The following SCP2 variants were observed in gnomAD, a reference collection of about 807,000 sequenced individuals.
SCP2 encodes the protein sterol carrier protein 2, also known as SCP-2/3-oxoacyl-CoA thiolase.
In SCP2, 48 loss-of-function variants were observed where a neutral mutation model predicts 71.4. That is an observed-to-expected ratio of 0.67 (90% confidence interval 0.53 to 0.86). The LOEUF is 0.86. Ranked by LOEUF, SCP2 falls within the 40% of genes least tolerant of loss-of-function variation. The pLI is 0.00. For synonymous variants in SCP2, 220 were observed against 218.1 expected (o/e 1.01, Z -0.08); for missense variants, 560 against 655.6 (o/e 0.85, Z 1.59).
At position 53,021,457 on chromosome 1, in the gene SCP2, C is replaced by A. The variant is rs140915027; in HGVS notation, c.1235+6414C>A. On this transcript the variant is annotated intron_variant, in intron 12 of 15. Transcript: ENST00000371514. ...TCAGCCTCTTGAGTAGCTGGGACTA[C>A]AGGCACGCACCACCAGGCCTAGCTG... Among the ~76,000 whole-genome samples the A allele has an allele frequency of 6.2e-3, 934 of 151,500 alleles. 14 individuals are homozygous for A. Among genetic ancestry groups the A allele is most frequent in the African/African-American group, 0.022 (897 of 41,238 alleles).
chr1:52,974,612 T>A lies in SCP2; in HGVS notation c.524-157T>A, dbSNP rs193265776. Among the ~76,000 whole-genome samples, 294 of 152,338 alleles carry A rather than the reference T, an allele frequency of 1.9e-3. 5 individuals are homozygous for A. Among genetic ancestry groups the A allele is most frequent in the Non-Finnish European group, 1.2e-3 (84 of 68,028 alleles). On this transcript the variant is annotated intron_variant, in intron 6 of 15. Coordinates refer to ENST00000371514, the MANE Select transcript of SCP2 (RefSeq NM_002979.5). The stretch of plus-strand genomic sequence containing the variant: ...GCCCACATTTAATTATAAATAAAAA[T>A]TTTTTGAGGGAACAGTGCTGAAGTC...
chr1:52,930,285 T>C (rs930874503), intron 1 of SCP2, among the ~76,000 whole-genome samples: 3 of 151,614 alleles, frequency 2.0e-5, no homozygotes, highest in Admixed American at 6.6e-5. Context: ...GCTTATTACA[T>C]GTGATGAACT....
chr1:52,997,494 G>C (rs1421619096), intron 11 of SCP2, among the ~76,000 whole-genome samples: 1 of 152,174 alleles, frequency 6.6e-6, no homozygotes, highest in Non-Finnish European at 1.5e-5. Flanking sequence ...TTTTGGCCAT[G>C]AAAGGAATGA....
At chr1:53,050,548 A>G in intron 15 of SCP2, 61 bp from the exon 16 acceptor site, 1 of 1,031,318 alleles carries the variant, frequency 9.7e-7, no homozygotes, top group Non-Finnish European at 1.5e-6. Context: ...GATAGTGTAG[A>G]AACATCAGCA....
chr1:52,951,772 C>T (rs539925065), intron 4 of SCP2, among the ~76,000 whole-genome samples: 4 of 151,368 alleles, frequency 2.6e-5, no homozygotes, highest in South Asian at 4.2e-4. Context: ...ACTGGAGTGC[C>T]GTTGTGCCAT....
chr1:52,997,075 A>T (rs1659985579), intron 11 of SCP2, among the ~76,000 whole-genome samples: 1 of 152,256 alleles, frequency 6.6e-6, no homozygotes, highest in Non-Finnish European at 1.5e-5. Flanking sequence ...GTGTACACTG[A>T]TGTTTACAGC....
intron 11 of SCP2, among the ~76,000 whole-genome samples, chr1:53,006,687 A>G (rs1254950031): frequency 6.6e-6 from 1 of 152,252 alleles, no homozygotes; most frequent in Non-Finnish European, 1.5e-5. Flanking sequence ...GCCAAATTGT[A>G]AAGATCATTG....
At chr1:52,958,209 C>T (rs1655999664) in intron 5 of SCP2, among the ~76,000 whole-genome samples, 1 of 151,052 alleles carries the variant, frequency 6.6e-6, no homozygotes, top group South Asian at 2.1e-4. Flanking sequence ...TAGTGTCAGT[C>T]CTTCTGTTGA....
intron 6 of SCP2, among the ~76,000 whole-genome samples, chr1:52,971,776 T>C (rs540113108): frequency 6.6e-6 from 1 of 152,330 alleles, no homozygotes; most frequent in South Asian, 2.1e-4. Context: ...GGCAGGTCCC[T>C]TTCTGGAATG....
intron 1 of SCP2, chr1:52,928,815 A>G (rs1251299175): frequency 6.5e-6 from 1 of 154,410 alleles, no homozygotes; most frequent in Non-Finnish European, 1.5e-5. Context: ...AAGTGGACCA[A>G]TACCTTATGA....
chr1:52,993,469 T>C (rs1425379715), intron 11 of SCP2: 2 of 1,613,972 alleles, frequency 1.2e-6, no homozygotes, highest in Non-Finnish European at 1.7e-6. Flanking sequence ...CACGATCCTT[T>C]ACTCTGAGAA....
intron 6 of SCP2, among the ~76,000 whole-genome samples, chr1:52,964,905 T>A (rs7552096): frequency 4.1e-4 from 62 of 151,860 alleles, no homozygotes; most frequent in Middle Eastern, 3.4e-3. Flanking sequence ...TCCCAGCTAC[T>A]CGGGAGGCTG....
intron 2 of SCP2, 44 bp from the exon 3 acceptor site, chr1:52,947,965 A>G: frequency 7.3e-7 from 1 of 1,365,618 alleles, no homozygotes; most frequent in Non-Finnish European, 1.0e-6. Context: ...CTCCTAAAAC[A>G]AATACTTAAA....
intron 12 of SCP2, among the ~76,000 whole-genome samples, chr1:53,020,012 G>A (rs995863065): frequency 8.5e-5 from 13 of 152,118 alleles, no homozygotes; most frequent in Non-Finnish European, 1.3e-4. Flanking sequence ...TAAGCCTCCT[G>A]AGTAGCTGGG....
chr1:53,030,773 A>G (rs1437240393), intron 13 of SCP2, among the ~76,000 whole-genome samples: 1 of 151,598 alleles, frequency 6.6e-6, no homozygotes, highest in African/African-American at 2.4e-5. Flanking sequence ...AGTCCCAGAT[A>G]GCTGTAGTCC....
intron 14 of SCP2, among the ~76,000 whole-genome samples, chr1:53,043,583 G>T (rs1663578095): frequency 6.6e-6 from 1 of 152,222 alleles, no homozygotes; most frequent in Admixed American, 6.5e-5. Context: ...TAGCTATGTG[G>T]TCTTGGGCAA....
intron 12 of SCP2, among the ~76,000 whole-genome samples, chr1:53,022,734 C>T (rs1277296662): frequency 1.3e-5 from 2 of 152,078 alleles, no homozygotes; most frequent in East Asian, 3.8e-4. Context: ...GAGAGAGAGC[C>T]TTGAGTGGTA....
chr1:53,001,778 C>T (rs556960045), intron 11 of SCP2, among the ~76,000 whole-genome samples: 1 of 152,296 alleles, frequency 6.6e-6, no homozygotes, highest in East Asian at 1.9e-4. Flanking sequence ...TGATTCTTTC[C>T]ATAGATTGAA....
intron 1 of SCP2, among the ~76,000 whole-genome samples, chr1:52,929,197 C>CT (rs11438037): frequency 0.66 from 89,283 of 135,782 alleles, 29,643 homozygotes; most frequent in African/African-American, 0.75. Context: ...CACTGTAACA[C>CT]TTTTTTTTTT....
Sources: allele counts gnomAD v4.1 joint callset (sites outside exome capture counted in the v4.1 genomes callset), GRCh38; gene constraint gnomAD v4.1.1; transcripts MANE v1.5; gene names NCBI Gene and HGNC (gene_info 2026-07-23, HGNC 2026-07-21).